The following PHTF2 variants were observed in gnomAD, a reference collection of about 807,000 sequenced individuals.
PHTF2 encodes protein PHTF2.
In PHTF2, 60 loss-of-function variants were observed where a neutral mutation model predicts 101.2. The observed-to-expected ratio is 0.59, with a 90% CI of 0.48 to 0.73. PHTF2 has a LOEUF of 0.73. Ranked by LOEUF, PHTF2 falls within the 30% of genes least tolerant of loss-of-function variation. PHTF2 has a pLI of 0.00. For synonymous variants in PHTF2, 311 were observed against 307.3 expected (o/e 1.01, Z -0.13); for missense variants, 747 against 908.7 (o/e 0.82, Z 2.29).
chr7:77,893,774 A>G, intron 4 of PHTF2, 110 bp downstream of exon 3: 2 of 616,838 alleles, frequency 3.2e-6, no homozygotes, highest in Admixed American at 3.1e-5. Flanking sequence ...TTACTATTCT[A>G]TTGAAGCTTT....
chr7:77,868,879 G>A (rs1798293956), intron 3 of PHTF2, among the ~76,000 whole-genome samples: 1 of 152,166 alleles, frequency 6.6e-6, no homozygotes, highest in African/African-American at 2.4e-5. Flanking sequence ...GAAAGTTCTA[G>A]CACAGTATCT....
At chr7:77,893,853 A>G in intron 4 of PHTF2, 129 bp from the exon 4 acceptor site, 1 of 749,830 alleles carries the variant, frequency 1.3e-6, no homozygotes. Context: ...TCTTTTTATC[A>G]TCTTTCTGTT....
chr7:77,949,922 TTTGA>T, intron 17 of PHTF2, 89 bp downstream of exon 16: 2 of 724,002 alleles, frequency 2.8e-6, no homozygotes, highest in Non-Finnish European at 2.1e-6. Flanking sequence ...ATGTGTTCTA[TTTGA>T]TTAAGGTCAT....
intron 17 of PHTF2, among the ~76,000 whole-genome samples, chr7:77,950,145 T>C (rs1562978307): frequency 6.6e-6 from 1 of 152,230 alleles, no homozygotes. Context: ...TTTGAGTAAG[T>C]ATACATTTTT....
At chr7:77,945,637 TAAA>T (rs1805989363) in intron 16 of PHTF2, among the ~76,000 whole-genome samples, 2 of 152,324 alleles carry the variant, frequency 1.3e-5, no homozygotes, top group South Asian at 4.1e-4. Context: ...AGCACACTAT[TAAA>T]CTGTAAACAG....
chr7:77,947,650 TG>T (rs1806170593), intron 16 of PHTF2, among the ~76,000 whole-genome samples: 1 of 152,044 alleles, frequency 6.6e-6, no homozygotes, highest in African/African-American at 2.4e-5. Flanking sequence ...TTGATTCTCC[TG>T]GGGGAATTGT....
At chr7:77,855,080 C>A (rs1344924116) in intron 3 of PHTF2, among the ~76,000 whole-genome samples, 2 of 152,218 alleles carry the variant, frequency 1.3e-5, no homozygotes, top group East Asian at 3.8e-4. Context: ...TGGGTCACAC[C>A]CAAAGCCAGC....
At chr7:77,875,640 C>T (rs1798874675) in intron 3 of PHTF2, among the ~76,000 whole-genome samples, 1 of 152,044 alleles carries the variant, frequency 6.6e-6, no homozygotes, top group Admixed American at 6.6e-5. Flanking sequence ...TCACTGCAAG[C>T]TCCGTCTCCT....
intron 1 of PHTF2, among the ~76,000 whole-genome samples, chr7:77,824,133 G>C (rs1794521506): frequency 6.6e-6 from 1 of 152,076 alleles, no homozygotes. Context: ...TGTGTGCCAG[G>C]TATAGAATTG....
At chr7:77,818,819 CTG>C (rs1189220456) in intron 1 of PHTF2, among the ~76,000 whole-genome samples, 1 of 152,054 alleles carries the variant, frequency 6.6e-6, no homozygotes, top group Non-Finnish European at 1.5e-5. Flanking sequence ...TGCATTGACT[CTG>C]TAGATTTCTT....
intron 5 of PHTF2, among the ~76,000 whole-genome samples, chr7:77,900,210 G>A (rs1467275651): frequency 1.3e-5 from 2 of 152,152 alleles, no homozygotes; most frequent in African/African-American, 4.8e-5. Flanking sequence ...TCATCCTTGA[G>A]TAGTGCATTG....
chr7:77,808,822 G>T (rs1793190275), intron 1 of PHTF2, among the ~76,000 whole-genome samples: 2 of 152,130 alleles, frequency 1.3e-5, no homozygotes, highest in South Asian at 4.1e-4. Flanking sequence ...ACAATCATAG[G>T]GCTCACTTTT....
chr7:77,921,595 A>G (rs1421542758), intron 10 of PHTF2, among the ~76,000 whole-genome samples: 2 of 152,226 alleles, frequency 1.3e-5, no homozygotes, highest in Admixed American at 1.3e-4. Context: ...CAATGAATGT[A>G]GTCCCTTACT....
chr7:77,837,734 CTT>C (rs1048903030), intron 1 of PHTF2, among the ~76,000 whole-genome samples: 1 of 152,008 alleles, frequency 6.6e-6, no homozygotes, highest in African/African-American at 2.4e-5. Flanking sequence ...TATATAAAGT[CTT>C]TGCGATTATT....
At position 77,913,158 on chromosome 7, in the gene PHTF2, C is replaced by G. The variant is rs763346716; in HGVS notation, c.776+2749C>G. ...ATCCCAGCACTTTATGAGGCCAAGGCGGGTGGATCACCTGAGGTCAGGAGT... is the reference window on the plus strand; with the variant it reads ...ATCCCAGCACTTTATGAGGCCAAGGGGGGTGGATCACCTGAGGTCAGGAGT... On this transcript the variant is annotated intron_variant, in intron 9 of 19. Transcript: ENST00000416283. 5.9e-5 allele frequency among the ~76,000 whole-genome samples: 9 copies of G among 152,066 alleles called. No homozygotes were observed. The South Asian group carries it at 1.9e-3, about 32-fold the overall frequency.
chr7:77,803,830 T>C (rs1000322184), intron 1 of PHTF2, among the ~76,000 whole-genome samples: 96 of 152,112 alleles, frequency 6.3e-4, no homozygotes, highest in Non-Finnish European at 7.9e-4. Context: ...CCGGCAGAGT[T>C]GAATAATCAT....
intron 5 of PHTF2, among the ~76,000 whole-genome samples, chr7:77,896,319 G>A (rs1187865882): frequency 2.0e-5 from 3 of 152,096 alleles, no homozygotes; most frequent in African/African-American, 7.2e-5. Context: ...CACTTTAGGA[G>A]GCCCAGGTGG....
rs542966197 is a variant in PHTF2, at chr7:77,810,990, G to A, written c.-36+12019G>A. 1.5e-4 allele frequency among the ~76,000 whole-genome samples: 23 copies of A among 151,904 alleles called. No individual in the cohort carries two copies. The South Asian group carries it at 3.1e-3, about 21-fold the overall frequency. ...GCCAGCTTGGCTCACTGCAACCTCC[G>A]CCTCCTAGGTTCAGGCGATTCTCCT... On this transcript the variant is annotated intron_variant, in intron 1 of 19. Coordinates refer to ENST00000416283, the Ensembl canonical transcript of PHTF2.
intron 1 of PHTF2, among the ~76,000 whole-genome samples, chr7:77,807,256 G>A (rs902200606): frequency 2.6e-5 from 4 of 152,160 alleles, no homozygotes; most frequent in Non-Finnish European, 4.4e-5. Flanking sequence ...ACACAGAAAT[G>A]TGATTGTTGA....
Sources: allele counts gnomAD v4.1 joint callset (sites outside exome capture counted in the v4.1 genomes callset), GRCh38; gene constraint gnomAD v4.1.1; transcripts MANE v1.5; gene names NCBI Gene and HGNC (gene_info 2026-07-23, HGNC 2026-07-21).